Variants in GRIN2A observed in about 807,000 individuals in gnomAD.
GRIN2A encodes the protein glutamate receptor ionotropic, NMDA 2A.
In GRIN2A, 22 loss-of-function variants were observed where a neutral mutation model predicts 113.4. The ratio of observed to expected loss-of-function variants is 0.19; its 90% CI spans 0.14 to 0.28. GRIN2A has a LOEUF of 0.28. Ranked by LOEUF, GRIN2A falls within the 10% of genes least tolerant of loss-of-function variation. The pLI is 1.00. For missense variants in GRIN2A, 1,502 were observed against 1,887.0 expected, an observed-to-expected ratio of 0.80 and a Z score of 3.78; for synonymous variants, 827 against 738.4, an observed-to-expected ratio of 1.12 and a Z score of -1.94.
chr16:9,951,287 A>C (rs2045173413), intron 2 of GRIN2A, among the ~76,000 whole-genome samples: 1 of 152,194 alleles, frequency 6.6e-6, no homozygotes, highest in Non-Finnish European at 1.5e-5. Flanking sequence ...CCCCCACTGA[A>C]GCTAACACAA....
At chr16:9,983,681 C>T (rs1449720604) in intron 2 of GRIN2A, among the ~76,000 whole-genome samples, 1 of 152,164 alleles carries the variant, frequency 6.6e-6, no homozygotes, top group Non-Finnish European at 1.5e-5. Context: ...CCTTGTGATC[C>T]ACCCGCCTTG....
intron 3 of GRIN2A, among the ~76,000 whole-genome samples, chr16:9,931,204 T>C (rs1269842373): frequency 1.3e-5 from 2 of 152,156 alleles, no homozygotes; most frequent in Non-Finnish European, 1.5e-5. Context: ...ACACAGAACA[T>C]ACAGTTGTAA....
At chr16:9,866,873 T>C (rs920026023) in intron 4 of GRIN2A, among the ~76,000 whole-genome samples, 23 of 152,142 alleles carry the variant, frequency 1.5e-4, no homozygotes, top group Admixed American at 1.3e-4. Flanking sequence ...CAGTCCACTG[T>C]AGCCACCCAT....
At chr16:9,797,944 A>G (rs1261007899) in intron 11 of GRIN2A, among the ~76,000 whole-genome samples, 2 of 152,126 alleles carry the variant, frequency 1.3e-5, no homozygotes, top group Non-Finnish European at 2.9e-5. Context: ...ACCCTTTGAG[A>G]ACCACTGCCC....
chr16:9,965,287 A>G (rs9939667), intron 2 of GRIN2A, among the ~76,000 whole-genome samples: 48,217 of 152,100 alleles, frequency 0.32, 8,145 homozygotes, highest in African/African-American at 0.37. Flanking sequence ...CAGCTGGTCT[A>G]GTCTGACTCA....
At chr16:9,835,662 A>G (rs9940947) in intron 7 of GRIN2A, among the ~76,000 whole-genome samples, 3,464 of 152,270 alleles carry the variant, frequency 0.023, 137 homozygotes, top group African/African-American at 0.079. Context: ...TACTTCTTGA[A>G]TAGTAAACAT....
chr16:10,118,069 T>C (rs1477024197), intron 2 of GRIN2A, among the ~76,000 whole-genome samples: 1 of 152,152 alleles, frequency 6.6e-6, no homozygotes, highest in Non-Finnish European at 1.5e-5. Context: ...CCTTCTGAGG[T>C]GGCCAAGTTG....
intron 11 of GRIN2A, among the ~76,000 whole-genome samples, chr16:9,787,789 C>T (rs539591430): frequency 7.9e-5 from 12 of 152,302 alleles, no homozygotes; most frequent in East Asian, 1.9e-4. Flanking sequence ...TCCTCTCAAA[C>T]GAGGTTTTCA....
intron 3 of GRIN2A, among the ~76,000 whole-genome samples, chr16:9,929,060 C>G (rs749445274): frequency 1.3e-5 from 2 of 152,216 alleles, no homozygotes; most frequent in Non-Finnish European, 2.9e-5. Context: ...CAGCGTAACT[C>G]TTTCTCTCCA....
intron 2 of GRIN2A, among the ~76,000 whole-genome samples, chr16:10,056,940 C>G (rs571579753): frequency 1.5e-3 from 229 of 152,128 alleles, no homozygotes; most frequent in African/African-American, 4.7e-3. Flanking sequence ...AATACACCAC[C>G]TCCCCTACCA....
At chr16:9,927,820 C>T (rs1284576270) in intron 3 of GRIN2A, among the ~76,000 whole-genome samples, 1 of 152,120 alleles carries the variant, frequency 6.6e-6, no homozygotes, top group African/African-American at 2.4e-5. Flanking sequence ...GTTTAAACTT[C>T]CTCTTATTAA....
chr16:9,985,769 G>T (rs941582837), intron 2 of GRIN2A, among the ~76,000 whole-genome samples: 3 of 152,216 alleles, frequency 2.0e-5, no homozygotes, highest in Non-Finnish European at 4.4e-5. Flanking sequence ...GATAGAGTAA[G>T]ATCTAATATT....
rs755393143 is a variant in GRIN2A, at chr16:10,005,320, T to C, written c.415-66769A>G. Among the ~76,000 whole-genome samples the C allele has an allele frequency of 4.1e-4, 63 of 152,364 alleles. No individual in the cohort carries two copies. In the Middle Eastern group the frequency reaches 0.01, roughly 25 times the overall value. On this transcript the variant is annotated intron_variant, in intron 2 of 12. Transcript: ENST00000330684. ...CTTAAAAGTTGATTTCTCTCCTGCT[T>C]TCTCTCAGACAACTGCTGTTTATAT...
chr16:9,879,089 C>T (rs2043427318), intron 4 of GRIN2A, among the ~76,000 whole-genome samples: 1 of 152,094 alleles, frequency 6.6e-6, no homozygotes, highest in South Asian at 2.1e-4. Context: ...AATCCTGATG[C>T]ACAGATGATA....
chr16:10,002,172 T>G (rs984510032), intron 2 of GRIN2A, among the ~76,000 whole-genome samples: 4 of 152,252 alleles, frequency 2.6e-5, no homozygotes, highest in African/African-American at 9.6e-5. Flanking sequence ...TGGCATAAAA[T>G]AATCAGATAA....
intron 2 of GRIN2A, among the ~76,000 whole-genome samples, chr16:10,082,537 T>C (rs1450134403): frequency 1.3e-5 from 2 of 152,188 alleles, no homozygotes; most frequent in East Asian, 1.9e-4. Flanking sequence ...TCAGCTGACT[T>C]TGAGTTAATC....
intron 2 of GRIN2A, among the ~76,000 whole-genome samples, chr16:9,963,972 A>G (rs1346175960): frequency 3.3e-5 from 5 of 152,200 alleles, no homozygotes; most frequent in African/African-American, 1.2e-4. Context: ...AGACAGACAC[A>G]AAGTCACACC....
At position 9,757,292 on chromosome 16, in the gene GRIN2A, A is replaced by G. The variant is rs1156371910; in HGVS notation, c.*5857T>C. On this transcript the variant is annotated 3_prime_UTR_variant, in exon 13 of 13. Transcript: ENST00000330684. Reference sequence around the variant, plus strand: ...AAGTCCATTATTTGAAGATTAAAATAAATCAACTGCATTTCCGGGACCACT... The same window carrying G: ...AAGTCCATTATTTGAAGATTAAAATGAATCAACTGCATTTCCGGGACCACT... 4.6e-6 allele frequency: 1 copy of G among 218,966 alleles called. No homozygotes were observed. The highest frequency in any genetic ancestry group is 6.7e-5 in the East Asian group (1 of 14,938). The allele number at this position is 218,966 out of a possible 1,614,324, so 13.6% of individuals were successfully genotyped here. A position where few individuals can be genotyped will look rare whatever the true frequency, so the allele number is the denominator to read the frequency against.
At chr16:9,824,244 G>A (rs2042344557) in intron 9 of GRIN2A, among the ~76,000 whole-genome samples, 2 of 152,198 alleles carry the variant, frequency 1.3e-5, no homozygotes, top group Non-Finnish European at 2.9e-5. Flanking sequence ...GTGTGCATGT[G>A]TGTGTATGTG....
Sources: allele counts gnomAD v4.1 joint callset (sites outside exome capture counted in the v4.1 genomes callset), GRCh38; gene constraint gnomAD v4.1.1; transcripts MANE v1.5; gene names NCBI Gene and HGNC (gene_info 2026-07-23, HGNC 2026-07-21).